Variants in SEPTIN12 observed in about 807,000 individuals in gnomAD.
The protein encoded by SEPTIN12 is septin-12.
SEPTIN12 carries 42 observed loss-of-function variants against 37.7 expected under a neutral mutation model. The observed-to-expected ratio is 1.11, with a 90% CI of 0.87 to 1.44. SEPTIN12 has a LOEUF of 1.44. Among genes scored for constraint, SEPTIN12 ranks in the 40% most tolerant of loss-of-function variants. The probability of loss-of-function intolerance (pLI) is 0.00; values close to 1 mark genes in which losing one functional copy is unlikely to be tolerated. For synonymous variants in SEPTIN12, 254 were observed against 196.7 expected, an observed-to-expected ratio of 1.29 and a Z score of -2.44; for missense variants, 613 against 479.2, an observed-to-expected ratio of 1.28 and a Z score of -2.61.
intron 7 of SEPTIN12, among the ~76,000 whole-genome samples, chr16:4,780,549 A>G (rs2082361408): frequency 6.6e-6 from 1 of 152,212 alleles, no homozygotes; most frequent in Non-Finnish European, 1.5e-5. Context: ...CCCTTTGCAG[A>G]AAAGGTTGTT....
upstream of SEPTIN12, among the ~76,000 whole-genome samples, chr16:4,791,772 C>T (rs1031323088): frequency 2.6e-5 from 4 of 152,136 alleles, no homozygotes; most frequent in African/African-American, 9.7e-5. Flanking sequence ...CCTGCAACCT[C>T]TGCCTCCCGG....
intron 4 of SEPTIN12, among the ~76,000 whole-genome samples, chr16:4,785,540 G>A (rs1466377250): frequency 1.3e-5 from 2 of 152,106 alleles, no homozygotes; most frequent in South Asian, 2.1e-4. Context: ...TTGGGAGGCC[G>A]AGGCGGGTGG....
chr16:4,779,767 A>T lies in SEPTIN12; in HGVS notation c.746T>A (p.Val249Glu). 3 of 1,612,430 alleles carry T rather than the reference A, an allele frequency of 1.9e-6. No individual in the cohort carries two copies. The highest frequency in any genetic ancestry group is 2.5e-6 in the Non-Finnish European group (3 of 1,178,582). Residue 249 changes from valine to glutamate, a missense_variant, in exon 8 of 10, where the codon GTG (valine) becomes GAG (glutamate). Coordinates refer to ENST00000268231, the MANE Select transcript of SEPTIN12 (RefSeq NM_144605.5). Reference protein sequence around the residue: ...SKLRDRIPFAVVGADQEHLVN... With the variant: ...SKLRDRIPFAEVGADQEHLVN... ...CAGGTGCTCTTGGTCAGCCCCTACC[A>T]CGGCAAAAGGGATTCGGTCCTGGGA... is the stretch of plus-strand genomic sequence containing the variant.
intron 7 of SEPTIN12, among the ~76,000 whole-genome samples, chr16:4,780,433 C>T (rs1024410897): frequency 1.1e-4 from 16 of 152,190 alleles, no homozygotes; most frequent in African/African-American, 3.4e-4. Context: ...ATAGTTGAGC[C>T]TATGAGTCAT....
intron 9 of SEPTIN12, 28 bp downstream of exon 9, chr16:4,778,058 C>G (rs774407257): frequency 1.9e-5 from 30 of 1,613,736 alleles, no homozygotes; most frequent in Non-Finnish European, 2.3e-5. Context: ...TCGCCAGCCC[C>G]CTAGCCCCAG....
In SEPTIN12 at chr16:4,777,781, CG is replaced by C; in HGVS notation, c.*15del. 1 of 1,493,916 alleles carries C rather than the reference CG, an allele frequency of 6.7e-7. No homozygotes were observed. Among genetic ancestry groups the C allele is most frequent in the Non-Finnish European group, 8.9e-7 (1 of 1,118,520 alleles). The allele number at this position is 1,493,916 out of a possible 1,614,324, so 92.5% of individuals were successfully genotyped here. ...GGGGACTCAGGAAGCCCAGCAGCCC[CG>C]GGATCCGCCGGTGGTCAGAACTCAT... On this transcript the variant is annotated 3_prime_UTR_variant, in exon 10 of 10. Coordinates refer to ENST00000268231, the MANE Select transcript of SEPTIN12 (RefSeq NM_144605.5).
upstream of SEPTIN12, among the ~76,000 whole-genome samples, chr16:4,791,736 G>A (rs971169697): frequency 3.9e-5 from 6 of 152,156 alleles, no homozygotes; most frequent in African/African-American, 1.4e-4. Flanking sequence ...CACCCAGGCT[G>A]GAGTGCAGTG....
At position 4,778,912 on chromosome 16, in the gene SEPTIN12, G is replaced by T. The variant is rs995588835; in HGVS notation, c.824-775C>A. The stretch of plus-strand genomic sequence containing the variant: ...CCCAGCACTTTGGGAGGCCGAGGCG[G>T]GCAGATCACGAGGTCAGGAGTTTGA... On this transcript the variant is annotated intron_variant, in intron 8 of 9. Coordinates refer to ENST00000268231, the MANE Select transcript of SEPTIN12 (RefSeq NM_144605.5). Among the ~76,000 whole-genome samples, 5 of 151,614 alleles carry T rather than the reference G, an allele frequency of 3.3e-5. No individual in the cohort carries two copies. The East Asian group carries it at 5.8e-4, about 18-fold the overall frequency.
chr16:4,786,137 G>T, intron 2 of SEPTIN12, 32 bp from the exon 3 acceptor site: 1 of 1,542,558 alleles, frequency 6.5e-7, no homozygotes. Flanking sequence ...CAGCAGTTAG[G>T]GTGGGCGTTT....
Position 4,779,880 on chromosome 16 carries a change from A to G in SEPTIN12, c.727-94T>C, listed in dbSNP as rs981554565. On this transcript the variant is annotated intron_variant, in intron 7 of 9. Transcript: ENST00000268231. ...CACCCAGGCAGGAGAGGGGAGTCCT[A>G]TCCTTTTCGAGGAGGGAACATGGTA... The G allele has an allele frequency of 1.6e-5, 13 of 794,954 alleles. No homozygotes were observed. In the African/African-American group the frequency reaches 2.1e-4, roughly 13 times the overall value. 49.2% of individuals were successfully genotyped at this position (794,954 alleles called of 1,614,324 possible). A position where few individuals can be genotyped will look rare whatever the true frequency, so the allele number is the denominator to read the frequency against.
At chr16:4,778,225 A>G in intron 8 of SEPTIN12, 88 bp from the exon 9 acceptor site, 1 of 1,369,446 alleles carries the variant, frequency 7.3e-7, no homozygotes, top group Non-Finnish European at 1.0e-6. Context: ...CATTTCCCTT[A>G]GCCCTTTTCC....
chr16:4,787,483 C>T lies in SEPTIN12; in HGVS notation c.163G>A (p.Val55Met). Residue 55 changes from valine (V) to methionine (M), a missense_variant, in exon 2 of 10, where the codon GTG (valine) becomes ATG (methionine). Val to Met is a conservative substitution (Grantham distance 21, BLOSUM62 1). Coordinates refer to ENST00000268231, the MANE Select transcript of SEPTIN12 (RefSeq NM_144605.5). Reference sequence around the variant, plus strand: ...GTGGGCCCTACCTCTCACTCACCCACCACCATGATGTTGAACTCAAACCCC... The same window carrying T: ...GTGGGCCCTACCTCTCACTCACCCATCACCATGATGTTGAACTCAAACCCC... Reference protein sequence around the residue: ...KMGFEFNIMVVGQSGLGKSTM... With the variant: ...KMGFEFNIMVMGQSGLGKSTM... The T allele has an allele frequency of 6.2e-7, 1 of 1,612,676 alleles. No individual in the cohort carries two copies. Among genetic ancestry groups the T allele is most frequent in the Non-Finnish European group, 8.5e-7 (1 of 1,179,974 alleles).
In SEPTIN12 at chr16:4,787,456, C is replaced by A. The variant is rs758437502; in HGVS notation, c.166+24G>T. 5.0e-6 allele frequency: 8 copies of A among 1,608,690 alleles called. No individual in the cohort carries two copies. The South Asian group carries it at 8.8e-5, about 18-fold the overall frequency. ...CGCGTAGCACTGTGGGTCTGTCCTG[C>A]CGTGGGCCCTACCTCTCACTCACCC... On this transcript the variant is annotated intron_variant, in intron 2 of 9. Transcript: ENST00000268231.
chr16:4,784,791 AAAT>A (rs2082416820), intron 4 of SEPTIN12, among the ~76,000 whole-genome samples: 2 of 150,738 alleles, frequency 1.3e-5, no homozygotes, highest in Non-Finnish European at 3.0e-5. Context: ...ATAAATAAAT[AAAT>A]AAATAAATAA....
rs1374099631 is a variant in SEPTIN12 at position 4,786,010 on chromosome 16, G to C, written c.262C>G (p.Gln88Glu). The change falls in exon 3 of 10, where the codon CAG (glutamine) becomes GAG (glutamate). Residue 88 changes from glutamine (Q) to glutamate (E), a missense_variant. Gln to Glu is a conservative substitution (Grantham distance 29). Transcript: ENST00000268231. ...NPPGLGVPTP[Q>E]TLQLHSLTHV... ...GTCAGTGAATGCAGCTGCAGCGTCTGGGGTGTGGGCACCCCCAAGCCCGGT... is the reference window on the plus strand; with the variant it reads ...GTCAGTGAATGCAGCTGCAGCGTCTCGGGTGTGGGCACCCCCAAGCCCGGT... 6.2e-7 allele frequency: 1 copy of C among 1,613,784 alleles called. No individual in the cohort carries two copies. The highest frequency in any genetic ancestry group is 1.1e-5 in the South Asian group (1 of 91,038).
intron 7 of SEPTIN12, among the ~76,000 whole-genome samples, chr16:4,781,150 TCAGGAGGCTGAGG>T (rs2082367533): frequency 6.6e-6 from 1 of 151,620 alleles, no homozygotes; most frequent in African/African-American, 2.4e-5. Context: ...TCCCAGCTAC[TCAGGAGGCTGAGG>T]CAGGAGAATC....
intron 8 of SEPTIN12, among the ~76,000 whole-genome samples, chr16:4,778,375 TA>T (rs2141862831): frequency 6.6e-6 from 1 of 152,364 alleles, no homozygotes; most frequent in South Asian, 2.1e-4. Context: ...ATTATTGTAT[TA>T]TATGTACACT....
chr16:4,788,569 A>T (rs1182160690), upstream of SEPTIN12: 1 of 151,470 alleles, frequency 6.6e-6, no homozygotes, highest in Non-Finnish European at 1.5e-5. Context: ...GCCCTCAACC[A>T]CTCTGCTGGG....
In SEPTIN12 at chr16:4,785,797, G is replaced by C. The variant is rs773016429; in HGVS notation, c.374+10C>G. On this transcript the variant is annotated intron_variant, in intron 4 of 9. Transcript: ENST00000268231. Reference sequence around the variant, plus strand: ...CTGCCTAAAAAAAAAAAAAAAGAGAGAGAACCTACCAGTTGTCATTGTTGA... The same window carrying C: ...CTGCCTAAAAAAAAAAAAAAAGAGACAGAACCTACCAGTTGTCATTGTTGA... 18 of 1,568,726 alleles carry C rather than the reference G, an allele frequency of 1.1e-5. No individual in the cohort carries two copies. Among genetic ancestry groups the C allele is most frequent in the Admixed American group, 3.4e-5 (2 of 58,154 alleles).
Sources: allele counts gnomAD v4.1 joint callset (sites outside exome capture counted in the v4.1 genomes callset), GRCh38; gene constraint gnomAD v4.1.1; transcripts MANE v1.5; gene names NCBI Gene and HGNC (gene_info 2026-07-23, HGNC 2026-07-21).